SLC39A11: variants seen among roughly 807,000 people sequenced by gnomAD.
The protein encoded by SLC39A11 is zinc transporter ZIP11.
SLC39A11 carries 33 observed loss-of-function variants against 36.1 expected under a neutral mutation model. That is an observed-to-expected ratio of 0.91 (90% CI 0.69 to 1.22). The LOEUF (loss-of-function observed/expected upper bound fraction) is 1.22, where lower values mean the gene tolerates loss of function less well. Among genes scored for constraint, SLC39A11 ranks in the 50% most tolerant of loss-of-function variants. The pLI is 0.00. For missense variants in SLC39A11, 432 were observed against 430.3 expected, an observed-to-expected ratio of 1.00 and a Z score of -0.03; for synonymous variants, 166 against 170.3, an observed-to-expected ratio of 0.97 and a Z score of 0.20.
At position 72,665,399 on chromosome 17, in the gene SLC39A11, T is replaced by TTTG. The variant is rs1555631666; in HGVS notation, c.672-16132_672-16131insCAA. The stretch of plus-strand genomic sequence containing the variant: ...ACCAAGTTTTGAGGTGTTTTTTTTT[T>TTTG]TTTTTTTTTTTGAGACAGGGTCTTG... On this transcript the variant is annotated intron_variant, in intron 7 of 9. Transcript: ENST00000255559. Among the ~76,000 whole-genome samples the TTTG allele has an allele frequency of 4.0e-4, 43 of 106,462 alleles. 3 individuals are homozygous for TTTG. Among genetic ancestry groups the TTTG allele is most frequent in the African/African-American group, 1.2e-3 (41 of 33,956 alleles). The allele number at this position is 106,462 out of a possible 152,430, so 69.8% of individuals were successfully genotyped here.
chr17:72,778,421 G>A (rs1169504113), intron 6 of SLC39A11, among the ~76,000 whole-genome samples: 1 of 152,196 alleles, frequency 6.6e-6, no homozygotes, highest in Non-Finnish European at 1.5e-5. Context: ...AATTCGTGTG[G>A]CTTTTTCCTA....
At chr17:72,744,513 T>C (rs1356377136) in intron 6 of SLC39A11, among the ~76,000 whole-genome samples, 1 of 152,240 alleles carries the variant, frequency 6.6e-6, no homozygotes, top group East Asian at 1.9e-4. Context: ...ACAAGTGTTT[T>C]CTTTTTCAAT....
At chr17:72,967,338 C>T (rs996091532) in intron 4 of SLC39A11, among the ~76,000 whole-genome samples, 4 of 145,566 alleles carry the variant, frequency 2.7e-5, no homozygotes, top group African/African-American at 1.0e-4. Context: ...AGAAAACACC[C>T]TCATGAGAAG....
chr17:72,688,633 T>C (rs1446039963), intron 7 of SLC39A11, among the ~76,000 whole-genome samples: 2 of 152,220 alleles, frequency 1.3e-5, no homozygotes. Flanking sequence ...AGTTCACATA[T>C]ACTTTTCACA....
intron 7 of SLC39A11, among the ~76,000 whole-genome samples, chr17:72,693,898 G>A (rs1285697811): frequency 1.3e-5 from 2 of 152,102 alleles, no homozygotes; most frequent in African/African-American, 2.4e-5. Flanking sequence ...TTCTGACCTC[G>A]TGATCCACCC....
At chr17:72,728,524 AT>A (rs1260322055) in intron 7 of SLC39A11, among the ~76,000 whole-genome samples, 1 of 151,984 alleles carries the variant, frequency 6.6e-6, no homozygotes, top group African/African-American at 2.4e-5. Context: ...GATAGTAAGT[AT>A]TTCCAGCTTT....
Position 72,696,836 on chromosome 17 carries a change from G to T in SLC39A11, c.671+39814C>A, listed in dbSNP as rs1482346939. Among the ~76,000 whole-genome samples, 4 of 152,250 alleles carry T rather than the reference G, an allele frequency of 2.6e-5. No homozygotes were observed. In the South Asian group the frequency reaches 8.3e-4, roughly 32 times the overall value. The stretch of plus-strand genomic sequence containing the variant: ...CTACCATTTTTGAGCCCTGCTATGT[G>T]TCCTGCTCTGTGCTAGAGGCTTGGC... On this transcript the variant is annotated intron_variant, in intron 7 of 9. Coordinates refer to ENST00000255559, the MANE Select transcript of SLC39A11 (RefSeq NM_139177.4).
chr17:72,801,865 A>G (rs1263564645), intron 6 of SLC39A11, among the ~76,000 whole-genome samples: 1 of 152,250 alleles, frequency 6.6e-6, no homozygotes, highest in African/African-American at 2.4e-5. Flanking sequence ...TTATGCCTCA[A>G]TAAAGTTGTT....
intron 5 of SLC39A11, among the ~76,000 whole-genome samples, chr17:72,897,059 A>AAAAAAAC (rs1313036463): frequency 6.7e-6 from 1 of 150,248 alleles, no homozygotes; most frequent in East Asian, 1.9e-4. Context: ...TCTCAAAAAA[A>AAAAAAAC]AAAAAAAAAA....
At chr17:72,701,357 T>C (rs2072608069) in intron 7 of SLC39A11, among the ~76,000 whole-genome samples, 1 of 152,102 alleles carries the variant, frequency 6.6e-6, no homozygotes, top group Non-Finnish European at 1.5e-5. Context: ...GACCATCTCC[T>C]TGTGTGGCGA....
intron 3 of SLC39A11, among the ~76,000 whole-genome samples, chr17:73,075,767 C>T (rs1323538043): frequency 6.6e-6 from 1 of 152,076 alleles, no homozygotes. Context: ...GCAGGAGAAT[C>T]ACTTGAGCCC....
chr17:72,807,960 G>A (rs751591694), intron 6 of SLC39A11, among the ~76,000 whole-genome samples: 1 of 152,044 alleles, frequency 6.6e-6, no homozygotes, highest in Non-Finnish European at 1.5e-5. Flanking sequence ...GATCTGACAC[G>A]ATCTCCAGGT....
chr17:72,767,842 A>G (rs1020852421), intron 6 of SLC39A11, among the ~76,000 whole-genome samples: 1 of 152,078 alleles, frequency 6.6e-6, no homozygotes, highest in Admixed American at 6.5e-5. Flanking sequence ...CTGTACAAAG[A>G]AAGACCAAAG....
chr17:73,010,384 G>T (rs1369612101), intron 4 of SLC39A11, among the ~76,000 whole-genome samples: 1 of 152,168 alleles, frequency 6.6e-6, no homozygotes, highest in Non-Finnish European at 1.5e-5. Flanking sequence ...AAAAGAAACA[G>T]GAAGATACTT....
intron 6 of SLC39A11, among the ~76,000 whole-genome samples, chr17:72,807,582 G>GCTGGATATTA (rs1461012136): frequency 2.0e-5 from 3 of 152,150 alleles, no homozygotes; most frequent in African/African-American, 4.8e-5. Context: ...TTCGAAGGAG[G>GCTGGATATTA]CTGGATATTA....
intron 5 of SLC39A11, among the ~76,000 whole-genome samples, chr17:72,939,458 G>A (rs200427615): frequency 2.1e-4 from 30 of 145,572 alleles, no homozygotes; most frequent in Admixed American, 4.8e-4. Context: ...GTTCCGTCTC[G>A]AAAAAAAAAA....
In SLC39A11 at chr17:72,653,110, CTTTTTT is replaced by C. The variant is rs72059767; in HGVS notation, c.672-3848_672-3843del. Among the ~76,000 whole-genome samples, 5 of 142,588 alleles carry C rather than the reference CTTTTTT, an allele frequency of 3.5e-5. No homozygotes were observed. In the East Asian group the frequency reaches 1.0e-3, roughly 30 times the overall value. 93.5% of individuals were successfully genotyped at this position (142,588 alleles called of 152,430 possible). A position where few individuals can be genotyped will look rare whatever the true frequency, so the allele number is the denominator to read the frequency against. On this transcript the variant is annotated intron_variant, in intron 7 of 9. Coordinates refer to ENST00000255559, the MANE Select transcript of SLC39A11 (RefSeq NM_139177.4). ...CTCTTCTGTTGCACGCTTTTTTTTT[CTTTTTT>C]TTTTTTGAGATGGAGTCTCGCTCTG...
intron 7 of SLC39A11, among the ~76,000 whole-genome samples, chr17:72,714,734 A>G (rs147478581): frequency 8.4e-4 from 128 of 152,232 alleles, no homozygotes; most frequent in African/African-American, 2.8e-3. Context: ...CCTTTTTGTG[A>G]TTATGGGGCT....
At chr17:72,759,731 T>A (rs560977676) in intron 6 of SLC39A11, among the ~76,000 whole-genome samples, 1 of 152,240 alleles carries the variant, frequency 6.6e-6, no homozygotes, top group South Asian at 2.1e-4. Context: ...ATATACTTGA[T>A]ATAAACAAGA....
Sources: allele counts gnomAD v4.1 joint callset (sites outside exome capture counted in the v4.1 genomes callset), GRCh38; gene constraint gnomAD v4.1.1; transcripts MANE v1.5; gene names NCBI Gene and HGNC (gene_info 2026-07-23, HGNC 2026-07-21).